The following OMA1 variants were observed in gnomAD, a reference collection of about 807,000 sequenced individuals.
OMA1 encodes the protein metalloendopeptidase OMA1, mitochondrial.
OMA1 carries 38 observed loss-of-function variants against 30.9 expected under a neutral mutation model. The ratio of observed to expected loss-of-function variants is 1.23; its 90% confidence interval spans 0.95 to 1.61. The LOEUF is 1.61. Among genes scored for constraint, OMA1 ranks in the 40% most tolerant of loss-of-function variants. OMA1 has a pLI of 0.00. For synonymous variants in OMA1, 173 were observed against 121.9 expected, an observed-to-expected ratio of 1.42 and a Z score of -2.76; for missense variants, 461 against 349.2, an observed-to-expected ratio of 1.32 and a Z score of -2.55.
At position 58,521,905 on chromosome 1, in the gene OMA1, T is replaced by C. The variant is rs142125581; in HGVS notation, c.1215+5356A>G. ...AAATGAAGAACACTTCCCTGATCAA[T>C]TTTATGAGGCCAGCATAACTTTGAT... On this transcript the variant is annotated intron_variant, in intron 7 of 8. Coordinates refer to ENST00000371226, the MANE Select transcript of OMA1 (RefSeq NM_145243.5). Among the ~76,000 whole-genome samples, 13 of 152,290 alleles carry C rather than the reference T, an allele frequency of 8.5e-5. No individual in the cohort carries two copies. The East Asian group carries it at 2.5e-3, about 29-fold the overall frequency.
At chr1:58,536,385 G>GA (rs967466528) in intron 3 of OMA1, 128 bp downstream of exon 3, 455 of 599,238 alleles carry the variant, frequency 7.6e-4, no homozygotes, top group South Asian at 8.8e-4. Flanking sequence ...AGGCCTTCGG[G>GA]AAAAAAAAAT....
intron 1 of OMA1, among the ~76,000 whole-genome samples, chr1:58,546,456 C>T (rs1366901905): frequency 1.3e-5 from 2 of 152,038 alleles, no homozygotes; most frequent in East Asian, 2.0e-4. Flanking sequence ...AGGGGAGAAC[C>T]GGGCTCCCCC....
At chr1:58,486,386 C>T (rs111381305) in intron 8 of OMA1, among the ~76,000 whole-genome samples, 7 of 152,302 alleles carry the variant, frequency 4.6e-5, no homozygotes, top group African/African-American at 1.7e-4. Context: ...ATTACTATTT[C>T]CTGCGACCAT....
intron 1 of OMA1, chr1:58,542,380 T>C (rs907459821): frequency 2.6e-5 from 4 of 152,310 alleles, no homozygotes; most frequent in East Asian, 1.9e-4. Context: ...GCACAGAATA[T>C]AGTCCTGCTC....
intron 1 of OMA1, among the ~76,000 whole-genome samples, chr1:58,545,977 T>C (rs1388939874): frequency 6.6e-6 from 1 of 152,204 alleles, no homozygotes; most frequent in Non-Finnish European, 1.5e-5. Context: ...TAGCGAGGGT[T>C]GCACGACCTT....
At chr1:58,531,784 A>T (rs1646438555) in intron 5 of OMA1, among the ~76,000 whole-genome samples, 1 of 151,880 alleles carries the variant, frequency 6.6e-6, no homozygotes, top group African/African-American at 2.4e-5. Flanking sequence ...GTCTCGACTC[A>T]CTGCAACCTC....
chr1:58,507,275 T>C (rs1282715278), intron 7 of OMA1, among the ~76,000 whole-genome samples: 2 of 151,810 alleles, frequency 1.3e-5, no homozygotes, highest in African/African-American at 4.8e-5. Flanking sequence ...TGATTAAAAC[T>C]AAGAAAAAAT....
At chr1:58,488,745 C>T (rs1466008803) in intron 8 of OMA1, among the ~76,000 whole-genome samples, 1 of 152,206 alleles carries the variant, frequency 6.6e-6, no homozygotes, top group Non-Finnish European at 1.5e-5. Context: ...CCACCACGCC[C>T]AGCCCCAGTG....
chr1:58,504,071 G>A lies in OMA1; in HGVS notation c.1365+1989C>T, dbSNP rs535772913. Among the ~76,000 whole-genome samples the A allele has an allele frequency of 4.0e-4, 61 of 152,156 alleles. No homozygotes were observed. The South Asian group carries it at 0.012, about 30-fold the overall frequency. Reference sequence around the variant, plus strand: ...CCTAAAAAGTCTCCCTGACTCCACCGTTGCCCCACTAGTCTACTCCACACA... The same window carrying A: ...CCTAAAAAGTCTCCCTGACTCCACCATTGCCCCACTAGTCTACTCCACACA... On this transcript the variant is annotated intron_variant, in intron 8 of 8. Transcript: ENST00000371226.
At chr1:58,502,953 C>T (rs1569904384) in intron 8 of OMA1, among the ~76,000 whole-genome samples, 1 of 152,150 alleles carries the variant, frequency 6.6e-6, no homozygotes, top group African/African-American at 2.4e-5. Flanking sequence ...TTGTCTTCAT[C>T]ATTTGCTCCC....
chr1:58,481,894 T>C (rs1645490714), intron 8 of OMA1, among the ~76,000 whole-genome samples: 1 of 152,220 alleles, frequency 6.6e-6, no homozygotes, highest in Non-Finnish European at 1.5e-5. Flanking sequence ...TCCTCAGCCA[T>C]ATGGAACTGT....
chr1:58,532,978 C>T (rs977841289), intron 5 of OMA1, among the ~76,000 whole-genome samples: 4 of 152,214 alleles, frequency 2.6e-5, no homozygotes, highest in Admixed American at 2.6e-4. Flanking sequence ...GGATTAGAAT[C>T]ATTATCATTT....
At chr1:58,516,683 T>C (rs1291191125) in intron 7 of OMA1, among the ~76,000 whole-genome samples, 1 of 152,140 alleles carries the variant, frequency 6.6e-6, no homozygotes, top group Non-Finnish European at 1.5e-5. Flanking sequence ...ATGAGTAACA[T>C]CGTTTTTGTG....
In OMA1 at chr1:58,539,200, G is replaced by A. The variant is rs1646564719; in HGVS notation, c.95C>T (p.Ala32Val). Residue 32 changes from alanine to valine, a missense_variant, in exon 2 of 9, where the codon GCA becomes GTA. Coordinates refer to ENST00000371226, the MANE Select transcript of OMA1 (RefSeq NM_145243.5). ...LSNWRKCNTL[A>V]STSRGCHQVQ... ...TTGATGACAGCCCCGTGAGGTGGATGCTAATGTGTTACATTTTCTCCAGTT... is the reference window on the plus strand; with the variant it reads ...TTGATGACAGCCCCGTGAGGTGGATACTAATGTGTTACATTTTCTCCAGTT... 3.4e-6 allele frequency: 3 copies of A among 872,750 alleles called. No individual in the cohort carries two copies. The highest frequency in any genetic ancestry group is 3.4e-5 in the Admixed American group (2 of 59,164). The allele number at this position is 872,750 out of a possible 1,614,324, so 54.1% of individuals were successfully genotyped here. A position where few individuals can be genotyped will look rare whatever the true frequency, so the allele number is the denominator to read the frequency against.
chr1:58,480,878 C>G lies in OMA1; in HGVS notation c.*87G>C. 1 of 629,996 alleles carries G rather than the reference C, an allele frequency of 1.6e-6. No individual in the cohort carries two copies. The highest frequency in any genetic ancestry group is 2.6e-6 in the Non-Finnish European group (1 of 377,516). The allele number at this position is 629,996 out of a possible 1,614,324, so 39.0% of individuals were successfully genotyped here. A position where few individuals can be genotyped will look rare whatever the true frequency, so the allele number is the denominator to read the frequency against. On this transcript the variant is annotated 3_prime_UTR_variant, in exon 9 of 9. Coordinates refer to ENST00000371226, the MANE Select transcript of OMA1 (RefSeq NM_145243.5). ...TGACCCTGAATATCCTTTTTTTTTT[C>G]ACTTCAAACATCATTTTTTAAAAAG...
At chr1:58,515,513 A>T (rs997966746) in intron 7 of OMA1, among the ~76,000 whole-genome samples, 2 of 152,194 alleles carry the variant, frequency 1.3e-5, no homozygotes, top group African/African-American at 4.8e-5. Context: ...ATAGCAATGA[A>T]AAATCAGATG....
At position 58,497,340 on chromosome 1, in the gene OMA1, C is replaced by CAGGCCA. The variant is rs1396971918; in HGVS notation, c.1365+8719_1365+8720insTGGCCT. ...CCTAATTTAAACAGGCCAACTGTAACACTGCTGAGATACAGAAATCTGATG... is the reference window on the plus strand; with the variant it reads ...CCTAATTTAAACAGGCCAACTGTAACAGGCCAACTGCTGAGATACAGAAATCTGATG... On this transcript the variant is annotated intron_variant, in intron 8 of 8. Coordinates refer to ENST00000371226, the MANE Select transcript of OMA1 (RefSeq NM_145243.5). 6.6e-4 allele frequency among the ~76,000 whole-genome samples: 101 copies of CAGGCCA among 152,256 alleles called. 2 individuals are homozygous for CAGGCCA. In the East Asian group the frequency reaches 0.012, roughly 18 times the overall value.
chr1:58,526,787 A>G (rs938478271), intron 7 of OMA1, among the ~76,000 whole-genome samples: 3 of 152,134 alleles, frequency 2.0e-5, no homozygotes, highest in Non-Finnish European at 4.4e-5. Flanking sequence ...GCCTCCTTAG[A>G]TCAGAGAAGC....
intron 7 of OMA1, 106 bp from the exon 8 acceptor site, chr1:58,506,315 T>A: frequency 1.6e-6 from 1 of 636,648 alleles, no homozygotes; most frequent in East Asian, 2.8e-5. Context: ...ACTTTAAGTT[T>A]TAGGGTACAT....
Sources: gnomAD v4.1 joint callset for allele counts (sites outside exome capture counted in the v4.1 genomes callset) on GRCh38, gnomAD v4.1.1 for gene constraint, MANE v1.5 for transcripts, NCBI Gene and HGNC (gene_info 2026-07-23, HGNC 2026-07-21) for gene names.